MR1: variants seen among roughly 807,000 people sequenced by gnomAD.
MR1 encodes major histocompatibility complex class I-related protein 1.
A neutral mutation model predicts 37.8 loss-of-function variants in MR1; 44 were observed. The ratio of observed to expected loss-of-function variants is 1.16; its 90% CI spans 0.91 to 1.50. The LOEUF (loss-of-function observed/expected upper bound fraction) is 1.50. Ranked by LOEUF, MR1 falls within the 40% of genes most tolerant of loss-of-function variation. The probability of loss-of-function intolerance (pLI) is 0.00; values close to 1 mark genes in which losing one functional copy is unlikely to be tolerated. For missense variants in MR1, 386 were observed against 419.1 expected, an observed-to-expected ratio of 0.92 and a Z score of 0.69; for synonymous variants, 153 against 155.8, an observed-to-expected ratio of 0.98 and a Z score of 0.13.
chr1:181,043,732 CACTA>C (rs1269202435), intron 1 of MR1, among the ~76,000 whole-genome samples: 2 of 152,156 alleles, frequency 1.3e-5, no homozygotes, highest in African/African-American at 4.8e-5. Context: ...CACATACATA[CACTA>C]ACTAGTACAA....
rs997580314 is a variant in MR1 at position 181,057,996 on chromosome 1, G to A, written c.*2731G>A. On this transcript the variant is annotated 3_prime_UTR_variant, in exon 6 of 6. Coordinates refer to ENST00000367580, the MANE Select transcript of MR1 (RefSeq NM_001385161.1). Reference sequence around the variant, plus strand: ...TCGCACTCTAGCCTGGGCAACAAGAGTGAAACTCCATCTCAAAAAAATAAA... The same window carrying A: ...TCGCACTCTAGCCTGGGCAACAAGAATGAAACTCCATCTCAAAAAAATAAA... The A allele has an allele frequency of 1.3e-5, 2 of 152,232 alleles. No individual in the cohort carries two copies. The highest frequency in any genetic ancestry group is 6.5e-5 in the Admixed American group (1 of 15,270). 9.4% of individuals were successfully genotyped at this position (152,232 alleles called of 1,614,324 possible).
At position 181,050,045 on chromosome 1, in the gene MR1, G is replaced by A; in HGVS notation, c.363G>A (p.Glu121=). The change falls in exon 3 of 6, where the codon GAG becomes GAA. Residue 121 remains glutamate, a synonymous_variant. Coordinates refer to ENST00000367580, the MANE Select transcript of MR1 (RefSeq NM_001385161.1). The part of the protein sequence containing the change: ...SHTYQRMIGC[E]LLEDGSTTGF... ...CTTACCAGAGAATGATTGGCTGTGAGCTGCTGGAGGATGGAAGCACCACAG... is the reference window on the plus strand; with the variant it reads ...CTTACCAGAGAATGATTGGCTGTGAACTGCTGGAGGATGGAAGCACCACAG... 3 of 1,613,236 alleles carry A rather than the reference G, an allele frequency of 1.9e-6. No homozygotes were observed. Among genetic ancestry groups the A allele is most frequent in the Non-Finnish European group, 2.5e-6 (3 of 1,180,036 alleles).
At chr1:181,050,792 G>C in intron 3 of MR1, 1 of 169,270 alleles carries the variant, frequency 5.9e-6, no homozygotes, top group Admixed American at 5.5e-5. Context: ...AGGAGTTTAA[G>C]ACTGGCCTGG....
chr1:181,043,855 T>G lies in MR1; in HGVS notation c.68-5197T>G, dbSNP rs142378746. ...GTTCTGAAAGATAACCTGCACATTA[T>G]GAGTTATTTCATAAGCAGTTTTAGA... is the stretch of plus-strand genomic sequence containing the variant. On this transcript the variant is annotated intron_variant, in intron 1 of 5. Transcript: ENST00000367580. 1.0e-3 allele frequency among the ~76,000 whole-genome samples: 154 copies of G among 152,034 alleles called. 1 individual carries two copies. Among genetic ancestry groups the G allele is most frequent in the African/African-American group, 3.7e-3 (152 of 41,454 alleles).
rs1658234476 is a variant in MR1, at chr1:181,050,286, G to C, written c.604G>C (p.Glu202Gln). ...TGGGAAAGACACCCTACAAAGAACA[G>C]GTAAAGAGAAAGAGAAGGCCTCATT... is the stretch of plus-strand genomic sequence containing the variant. The part of the protein sequence containing the change: ...EYGKDTLQRT[E>Q]PPLVRVNRKE... Residue 202 changes from glutamate (E) to glutamine (Q), a missense_variant and splice_region_variant, in exon 3 of 6, where the codon GAG becomes CAG. Physicochemically the swap from Glu to Gln is conservative, Grantham distance 29. Coordinates refer to ENST00000367580, the MANE Select transcript of MR1 (RefSeq NM_001385161.1). 3.1e-6 allele frequency: 5 copies of C among 1,614,108 alleles called. No individual in the cohort carries two copies. Among genetic ancestry groups the C allele is most frequent in the Non-Finnish European group, 4.2e-6 (5 of 1,180,010 alleles).
chr1:181,036,516 T>C (rs1173648716), intron 1 of MR1, among the ~76,000 whole-genome samples: 2 of 152,190 alleles, frequency 1.3e-5, no homozygotes, highest in Non-Finnish European at 2.9e-5. Flanking sequence ...GTGGGAGCTA[T>C]ATACCAGTAA....
At position 181,058,443 on chromosome 1, in the gene MR1, G is replaced by A. The variant is rs1023540771; in HGVS notation, c.*3178G>A. The A allele has an allele frequency of 6.6e-6, 1 of 152,114 alleles. No individual in the cohort carries two copies. Among genetic ancestry groups the A allele is most frequent in the African/African-American group, 2.4e-5 (1 of 41,402 alleles). The allele number at this position is 152,114 out of a possible 1,614,324, so 9.4% of individuals were successfully genotyped here. The stretch of plus-strand genomic sequence containing the variant: ...TTTTTGATGTGGTACATTTAAGGGA[G>A]AGAAAGCAGTTTAAAGAGCAGGGTG... On this transcript the variant is annotated 3_prime_UTR_variant, in exon 6 of 6. Transcript: ENST00000367580.
In MR1 at chr1:181,061,182, C is replaced by T. The variant is rs2102417711; in HGVS notation, c.*5917C>T. On this transcript the variant is annotated 3_prime_UTR_variant, in exon 6 of 6. Transcript: ENST00000367580. Reference sequence around the variant, plus strand: ...CTTGGTTGTAAATCTAGTTTGATTACATTTGTAATCAAATGATGGCCATTT... The same window carrying T: ...CTTGGTTGTAAATCTAGTTTGATTATATTTGTAATCAAATGATGGCCATTT... The T allele has an allele frequency of 6.6e-6, 1 of 152,358 alleles. No individual in the cohort carries two copies. Among genetic ancestry groups the T allele is most frequent in the South Asian group, 2.1e-4 (1 of 4,830 alleles). 9.4% of individuals were successfully genotyped at this position (152,358 alleles called of 1,614,324 possible).
chr1:181,033,899 C>A (rs1657135010), upstream of MR1: 1 of 776,186 alleles, frequency 1.3e-6, no homozygotes, highest in Non-Finnish European at 2.0e-6. Flanking sequence ...ACTGATGACA[C>A]TGCATATCTT....
At chr1:181,035,502 G>A (rs975642300) in intron 1 of MR1, among the ~76,000 whole-genome samples, 2 of 152,096 alleles carry the variant, frequency 1.3e-5, no homozygotes, top group African/African-American at 4.8e-5. Flanking sequence ...GGGGGTGAGG[G>A]TAAGAGGCAG....
chr1:181,055,248 C>T lies in MR1; in HGVS notation c.1009C>T (p.Pro337Ser), dbSNP rs1658550485. ...PREQNGAIYLPTPDR is the reference protein window; with the variant it reads ...PREQNGAIYLSTPDR ...AGAGCAAAATGGAGCCATCTACCTT[C>T]CAACACCAGATCGATGATTGCAGAT... The change falls in exon 6 of 6, where the codon CCA becomes TCA. Residue 337 changes from proline (P) to serine (S), a missense_variant. Physicochemically the swap from Pro to Ser is moderately conservative, Grantham distance 74. Coordinates refer to ENST00000367580, the MANE Select transcript of MR1 (RefSeq NM_001385161.1). 1 of 1,613,676 alleles carries T rather than the reference C, an allele frequency of 6.2e-7. No homozygotes were observed. The highest frequency in any genetic ancestry group is 1.7e-5 in the Admixed American group (1 of 60,020).
chr1:181,037,066 A>G (rs1657313226), intron 1 of MR1: 1 of 152,242 alleles, frequency 6.6e-6, no homozygotes, highest in Admixed American at 6.5e-5. Context: ...GAGATTTCTC[A>G]TGCATTGCCA....
intron 1 of MR1, among the ~76,000 whole-genome samples, chr1:181,043,651 G>A (rs781119047): frequency 2.6e-5 from 4 of 152,154 alleles, no homozygotes; most frequent in Non-Finnish European, 5.9e-5. Flanking sequence ...ACAGTGAGCT[G>A]TGATCATGCC....
Position 181,050,228 on chromosome 1 carries a change from A to G in MR1, c.546A>G (p.Glu182=), listed in dbSNP as rs778003647. The part of the protein sequence containing the change: ...LLYQKNWLEE[E]CIAWLKRFLE... ...ATCAAAAGAATTGGCTGGAAGAAGA[A>G]TGTATTGCCTGGCTAAAGAGATTCC... Residue 182 remains glutamate, a synonymous_variant, in exon 3 of 6, where the codon GAA becomes GAG. Transcript: ENST00000367580. 6.2e-7 allele frequency: 1 copy of G among 1,614,262 alleles called. No homozygotes were observed. The highest frequency in any genetic ancestry group is 2.2e-5 in the East Asian group (1 of 44,892).
At chr1:181,046,530 T>C (rs1657880465) in intron 1 of MR1, among the ~76,000 whole-genome samples, 1 of 152,126 alleles carries the variant, frequency 6.6e-6, no homozygotes, top group East Asian at 1.9e-4. Flanking sequence ...AACCTTTGTG[T>C]CTAGCTGAGG....
intron 1 of MR1, among the ~76,000 whole-genome samples, chr1:181,042,707 G>A (rs906647401): frequency 1.1e-4 from 16 of 152,140 alleles, no homozygotes; most frequent in South Asian, 4.2e-4. Context: ...TTGGGAGGCT[G>A]GGGCAGGGAG....
At position 181,041,081 on chromosome 1, in the gene MR1, CAATAAATAAATA is replaced by C. The variant is rs56248336; in HGVS notation, c.67+7038_67+7049del. The stretch of plus-strand genomic sequence containing the variant: ...CGGGTGACAGAGTGAGACTCTGTCT[CAATAAATAAATA>C]AATAAATAAATAAATAAATAAATAA... On this transcript the variant is annotated intron_variant, in intron 1 of 5. Coordinates refer to ENST00000367580, the MANE Select transcript of MR1 (RefSeq NM_001385161.1). Among the ~76,000 whole-genome samples, 248 of 146,564 alleles carry C rather than the reference CAATAAATAAATA, an allele frequency of 1.7e-3. 1 individual carries two copies. The highest frequency in any genetic ancestry group is 3.5e-3 in the African/African-American group (139 of 39,778).
chr1:181,035,030 G>A (rs1216251001), intron 1 of MR1, among the ~76,000 whole-genome samples: 3 of 152,074 alleles, frequency 2.0e-5, no homozygotes, highest in Non-Finnish European at 4.4e-5. Context: ...GCTGGGAGTG[G>A]TGGCTCACAC....
At chr1:181,036,048 T>A (rs1657252906) in intron 1 of MR1, among the ~76,000 whole-genome samples, 1 of 152,022 alleles carries the variant, frequency 6.6e-6, no homozygotes, top group Non-Finnish European at 1.5e-5. Context: ...TGGGAGACAC[T>A]GAAAGGAGAG....
Sources: gnomAD v4.1 joint callset for allele counts (sites outside exome capture counted in the v4.1 genomes callset) on GRCh38, gnomAD v4.1.1 for gene constraint, MANE v1.5 for transcripts, NCBI Gene and HGNC (gene_info 2026-07-23, HGNC 2026-07-21) for gene names.